The following ARSL variants were observed in gnomAD, a reference collection of about 807,000 sequenced individuals.
ARSL encodes the protein arylsulfatase E (chondrodysplasia punctata 1).
Under a neutral mutation model 31.1 loss-of-function variants are expected in ARSL, and 4 were observed. The observed-to-expected ratio is 0.13, with a 90% confidence interval of 0.06 to 0.29. The LOEUF is 0.29. ARSL is among the 10% of genes least tolerant of loss of function. The pLI is 1.00. For synonymous variants in ARSL, 198 were observed against 209.9 expected, an observed-to-expected ratio of 0.94 and a Z score of 0.49; for missense variants, 312 against 497.8, an observed-to-expected ratio of 0.63 and a Z score of 3.55.
chrX:2,944,115 G>A (rs1377717085), intron 7 of ARSL, among the ~76,000 whole-genome samples: 1 of 110,314 alleles, frequency 9.1e-6, no homozygotes, highest in African/African-American at 3.3e-5. Context: ...GGAAGGCAGG[G>A]TGCAGTGAGC....
At chrX:2,953,304 AT>A (rs759548570) in intron 4 of ARSL, 39 bp from the exon 5 acceptor site, 32 of 1,181,619 alleles carry the variant, frequency 2.7e-5, no homozygotes, top group East Asian at 6.1e-5. Flanking sequence ...ACTGTTCCAC[AT>A]TTTTTTTCCT....
At chrX:2,949,839 G>T in intron 5 of ARSL, 112 bp from the exon 6 acceptor site, 1 of 880,237 alleles carries the variant, frequency 1.1e-6, no homozygotes, top group Non-Finnish European at 1.6e-6. Context: ...GGGGCCAGGA[G>T]ATTGCAAAGA....
At chrX:2,944,237 C>T (rs1377221651) in intron 7 of ARSL, among the ~76,000 whole-genome samples, 11 of 108,916 alleles carry the variant, frequency 1.0e-4, no homozygotes, top group Non-Finnish European at 1.9e-4. Flanking sequence ...GGGCGGATCA[C>T]AAGGTCAGCA....
chrX:2,936,695 G>A, intron 10 of ARSL, 47 bp downstream of exon 10: 1 of 1,205,476 alleles, frequency 8.3e-7, no homozygotes, highest in Non-Finnish European at 1.1e-6. Flanking sequence ...TTCCTGCACA[G>A]AGGGACTCTT....
chrX:2,967,347 C>T (rs2089707189), upstream of ARSL, among the ~76,000 whole-genome samples: 1 of 111,980 alleles, frequency 8.9e-6, no homozygotes, highest in Non-Finnish European at 1.9e-5. Context: ...GCACTTTAAC[C>T]CTTGGAATGT....
intron 6 of ARSL, among the ~76,000 whole-genome samples, chrX:2,947,014 T>C (rs373863777): frequency 9.1e-6 from 1 of 110,348 alleles, no homozygotes; most frequent in East Asian, 2.9e-4. Context: ...CAAGACCCCA[T>C]CTCTACTAAA....
At chrX:2,950,178 C>T (rs765789581) in intron 5 of ARSL, among the ~76,000 whole-genome samples, 12 of 111,432 alleles carry the variant, frequency 1.1e-4, no homozygotes, top group Non-Finnish European at 1.7e-4. Context: ...GTTTCCATGG[C>T]GTTGTCCTCT....
intron 8 of ARSL, among the ~76,000 whole-genome samples, chrX:2,941,754 G>C (rs1202524227): frequency 8.9e-6 from 1 of 112,016 alleles, no homozygotes; most frequent in Non-Finnish European, 1.9e-5. Context: ...TCCCTAAAAT[G>C]TATAAAACCA....
At position 2,949,350 on chromosome X, in the gene ARSL, T is replaced by G. The variant is rs1374984025; in HGVS notation, c.808A>C (p.Arg270=). 1 of 1,211,893 alleles carries G rather than the reference T, an allele frequency of 8.3e-7. No individual in the cohort carries two copies. Among genetic ancestry groups the G allele is most frequent in the East Asian group, 3.0e-5 (1 of 33,847 alleles). ...TITEQPMCFQ[R]TTPLILQEVA... The stretch of plus-strand genomic sequence containing the variant: ...TCCTGCAGAATAAGGGGTGTCGTTC[T>G]TTGGAAGCACATGGGCTGCTCCGTG... The change falls in exon 6 of 11, where the codon AGA becomes CGA. Residue 270 remains arginine, a synonymous_variant. Transcript: ENST00000381134.
intron 8 of ARSL, among the ~76,000 whole-genome samples, chrX:2,940,678 G>T (rs2089268863): frequency 9.0e-6 from 1 of 110,902 alleles, no homozygotes; most frequent in Admixed American, 9.6e-5. Context: ...CATGCCTGCT[G>T]TCATCCCAGC....
In ARSL at chrX:2,960,154, A is replaced by C. The variant is rs779266665; in HGVS notation, c.23+224T>G. Among the ~76,000 whole-genome samples the C allele has an allele frequency of 7.7e-4, 66 of 85,165 alleles. 1 individual carries two copies. The highest frequency in any genetic ancestry group is 1.3e-3 in the South Asian group (2 of 1,515). 74.0% of individuals were successfully genotyped at this position (85,165 alleles called of 115,157 possible). On this transcript the variant is annotated intron_variant, in intron 2 of 10. Transcript: ENST00000381134. ...CGTGGTGGCAGGCGCCTGTAGTCCC[A>C]GCTACTCGGGAGGCTGAGGCAGGAG...
rs368374826 is a variant in ARSL, at chrX:2,963,009, T to G, written c.-21+1215A>C. On this transcript the variant is annotated intron_variant, in intron 1 of 10. Transcript: ENST00000381134. ...GACCGAATCAATGCACTTCTTACAT[T>G]ATTGATGGATGTCTAACACTGAATT... is the stretch of plus-strand genomic sequence containing the variant. 2.9e-4 allele frequency among the ~76,000 whole-genome samples: 33 copies of G among 112,166 alleles called. 6 individuals are homozygous for G. Among genetic ancestry groups the G allele is most frequent in the South Asian group, 1.1e-3 (3 of 2,657 alleles).
chrX:2,960,508 C>G (rs2089611144), intron 1 of ARSL, 88 bp from the exon 2 acceptor site: 1 of 908,850 alleles, frequency 1.1e-6, no homozygotes, highest in African/African-American at 1.9e-5. Context: ...ATTAGGGGAA[C>G]TTTGATTCCC....
At chrX:2,951,743 G>C (rs1462854516) in intron 5 of ARSL, among the ~76,000 whole-genome samples, 3 of 106,530 alleles carry the variant, frequency 2.8e-5, no homozygotes, top group Non-Finnish European at 3.9e-5. Context: ...CGAGACTGCA[G>C]TGAGCTGTGA....
intron 5 of ARSL, among the ~76,000 whole-genome samples, chrX:2,951,790 G>C (rs1206570230): frequency 2.4e-5 from 2 of 84,617 alleles, no homozygotes; most frequent in Non-Finnish European, 4.8e-5. Flanking sequence ...AACAGAGTGA[G>C]TACCCTGTTT....
In ARSL at chrX:2,958,364, T is replaced by C. The variant is rs2089555862; in HGVS notation, c.95A>G (p.Asp32Gly). The C allele has an allele frequency of 2.5e-6, 3 of 1,212,052 alleles. No individual in the cohort carries two copies. The highest frequency in any genetic ancestry group is 3.3e-6 in the Non-Finnish European group (3 of 895,620). Residue 32 changes from aspartate (D) to glycine (G), a missense_variant, in exon 3 of 11, where the codon GAC (aspartate) becomes GGC (glycine). Physicochemically the swap from Asp to Gly is moderately conservative, Grantham distance 94 (BLOSUM62 -1). Transcript: ENST00000381134. Reference protein sequence around the residue: ...LLSLAPSASSDISASRPNILL... With the variant: ...LLSLAPSASSGISASRPNILL... ...GATGTTCGGTCGGGAGGCGGAAATG[T>C]CGCTGGAAGCTGATGGTGCCAAACT...
At chrX:2,936,656 A>G in intron 10 of ARSL, 86 bp downstream of exon 10, 3 of 1,138,958 alleles carry the variant, frequency 2.6e-6, no homozygotes, top group South Asian at 3.8e-5. Flanking sequence ...ATGCAGCTCC[A>G]TCCCTAGCCT....
rs752552877 is a variant in ARSL at position 2,956,278 on chromosome X, C to T, written c.186-741G>A. On this transcript the variant is annotated intron_variant, in intron 3 of 10. Transcript: ENST00000381134. The stretch of plus-strand genomic sequence containing the variant: ...AGCTCTAGCTCTTGACAGATGGACA[C>T]GCCATATTTTGGCATTAGGAGGGTG... Among the ~76,000 whole-genome samples, 11 of 111,598 alleles carry T rather than the reference C, an allele frequency of 9.9e-5. No homozygotes were observed. The East Asian group carries it at 2.5e-3, about 26-fold the overall frequency.
At chrX:2,956,992 C>T (rs2089532801) in intron 3 of ARSL, among the ~76,000 whole-genome samples, 1 of 105,488 alleles carries the variant, frequency 9.5e-6, no homozygotes, top group Admixed American at 1.0e-4. Flanking sequence ...GAGGCTGAGG[C>T]AGGCAGATCA....
Sources: allele counts gnomAD v4.1 joint callset (sites outside exome capture counted in the v4.1 genomes callset), GRCh38; gene constraint gnomAD v4.1.1; transcripts MANE v1.5; gene names NCBI Gene and HGNC (gene_info 2026-07-23, HGNC 2026-07-21).